Variants in NEDD9 observed in about 807,000 individuals in gnomAD.
NEDD9 encodes enhancer of filamentation 1.
Under a neutral mutation model 76.6 loss-of-function variants are expected in NEDD9, and 26 were observed. That is an observed-to-expected ratio of 0.34 (90% CI 0.25 to 0.47). The LOEUF (loss-of-function observed/expected upper bound fraction) is 0.47. Among genes scored for constraint, NEDD9 ranks in the 20% least tolerant of loss-of-function variants. The probability of loss-of-function intolerance (pLI) is 1.00; values close to 1 mark genes in which losing one functional copy is unlikely to be tolerated. For missense variants in NEDD9, 937 were observed against 1,058.5 expected, an observed-to-expected ratio of 0.89 and a Z score of 1.59; for synonymous variants, 392 against 414.2, an observed-to-expected ratio of 0.95 and a Z score of 0.65.
At chr6:11,368,402 TC>T (rs1167498225) in intron 1 of NEDD9, among the ~76,000 whole-genome samples, 4 of 152,192 alleles carry the variant, frequency 2.6e-5, no homozygotes, top group Non-Finnish European at 4.4e-5. Flanking sequence ...CCTGAATGAG[TC>T]ACACCGAAGT....
intron 2 of NEDD9, chr6:11,201,072 G>A (rs1758437134): frequency 1.9e-6 from 3 of 1,614,152 alleles, no homozygotes; most frequent in Non-Finnish European, 2.5e-6. Context: ...TTTCTGTCAA[G>A]ACAAGTTCTG....
chr6:11,338,130 T>C (rs1269519475), intron 1 of NEDD9, among the ~76,000 whole-genome samples: 2 of 152,210 alleles, frequency 1.3e-5, no homozygotes, highest in Non-Finnish European at 2.9e-5. Flanking sequence ...GCAGATGTCA[T>C]TGGTTAACCT....
rs115242391 is a variant in NEDD9, at chr6:11,250,082, T to A, written c.13-36355A>T. On this transcript the variant is annotated intron_variant, in intron 3 of 3. Transcript: ENST00000397378. Reference sequence around the variant, plus strand: ...AGGAACAGATGTGCAAATGGCTGGCTGTGGCCAAAGACACAGTCAGACATC... The same window carrying A: ...AGGAACAGATGTGCAAATGGCTGGCAGTGGCCAAAGACACAGTCAGACATC... Among the ~76,000 whole-genome samples, 1,104 of 152,338 alleles carry A rather than the reference T, an allele frequency of 7.2e-3. 2 individuals are homozygous for A. Among genetic ancestry groups the A allele is most frequent in the Non-Finnish European group, 0.012 (843 of 68,038 alleles).
intron 3 of NEDD9, among the ~76,000 whole-genome samples, chr6:11,245,837 A>G (rs1759796037): frequency 6.6e-6 from 1 of 152,218 alleles, no homozygotes; most frequent in Non-Finnish European, 1.5e-5. Context: ...TGGACCTTAA[A>G]AAAAGCCCTC....
intron 1 of NEDD9, among the ~76,000 whole-genome samples, chr6:11,349,017 A>G (rs1762414752): frequency 6.6e-6 from 1 of 152,214 alleles, no homozygotes; most frequent in African/African-American, 2.4e-5. Context: ...ATATTTGCAA[A>G]CTATGCATCT....
At chr6:11,277,907 T>C (rs1001821855) in intron 3 of NEDD9, among the ~76,000 whole-genome samples, 7 of 152,022 alleles carry the variant, frequency 4.6e-5, no homozygotes, top group Non-Finnish European at 7.4e-5. Flanking sequence ...CCCAGATTCA[T>C]TCTCTTTCTT....
intron 3 of NEDD9, 152 bp from the exon 4 acceptor site, chr6:11,192,598 T>TTA: frequency 1.7e-6 from 1 of 576,408 alleles, no homozygotes; most frequent in Non-Finnish European, 3.0e-6. Context: ...TTTATTGCCT[T>TTA]TTTTTTTAAT....
At chr6:11,347,481 A>AAAAC (rs1339345636) in intron 1 of NEDD9, among the ~76,000 whole-genome samples, 1 of 152,166 alleles carries the variant, frequency 6.6e-6, no homozygotes, top group Non-Finnish European at 1.5e-5. Flanking sequence ...AAAACAAAAC[A>AAAAC]AAACAAACAA....
intron 3 of NEDD9, among the ~76,000 whole-genome samples, chr6:11,299,634 C>T (rs1163432286): frequency 2.0e-5 from 3 of 152,174 alleles, no homozygotes; most frequent in African/African-American, 7.2e-5. Flanking sequence ...CAGGTGAGTG[C>T]CCCCCTGGGA....
intron 1 of NEDD9, among the ~76,000 whole-genome samples, chr6:11,373,834 C>T (rs890158918): frequency 1.3e-5 from 2 of 152,116 alleles, no homozygotes; most frequent in East Asian, 1.9e-4. Flanking sequence ...AACAAATGAC[C>T]TTCCATAATG....
upstream of NEDD9, among the ~76,000 whole-genome samples, chr6:11,234,712 ATTTTT>A (rs140513398): frequency 2.9e-5 from 4 of 136,950 alleles, no homozygotes; most frequent in Admixed American, 7.3e-5. Flanking sequence ...AACATTTTTA[ATTTTT>A]TTTTTTTTTT....
chr6:11,379,562 G>T (rs1763026532), intron 1 of NEDD9, among the ~76,000 whole-genome samples: 2 of 152,130 alleles, frequency 1.3e-5, no homozygotes, highest in Non-Finnish European at 2.9e-5. Context: ...CTGGGTGACA[G>T]AGTGAGACTT....
intron 1 of NEDD9, among the ~76,000 whole-genome samples, chr6:11,339,401 C>T (rs1762229442): frequency 6.6e-6 from 1 of 152,186 alleles, no homozygotes; most frequent in African/African-American, 2.4e-5. Flanking sequence ...TGAGGCTGAG[C>T]CTTTCCACTG....
chr6:11,195,853 G>A (rs10947005), intron 2 of NEDD9, among the ~76,000 whole-genome samples: 57,243 of 152,034 alleles, frequency 0.38, 11,165 homozygotes, highest in South Asian at 0.48. Context: ...AATTAGCCGG[G>A]TGTGGTGACA....
At chr6:11,284,673 C>G (rs1003335035) in intron 3 of NEDD9, among the ~76,000 whole-genome samples, 3 of 151,460 alleles carry the variant, frequency 2.0e-5, no homozygotes, top group Non-Finnish European at 2.9e-5. Context: ...AGGTGTTAAC[C>G]ACTAGTTTGC....
At chr6:11,215,259 G>C (rs1415526377) in intron 1 of NEDD9, among the ~76,000 whole-genome samples, 1 of 152,204 alleles carries the variant, frequency 6.6e-6, no homozygotes, top group Non-Finnish European at 1.5e-5. Context: ...TCAAGAATAA[G>C]GTTGAAGTCC....
chr6:11,237,242 C>T (rs879032915), upstream of NEDD9, among the ~76,000 whole-genome samples: 1 of 152,152 alleles, frequency 6.6e-6, no homozygotes, highest in African/African-American at 2.4e-5. The surrounding 1 kb of genome is among the most constrained non-coding windows in gnomAD (Gnocchi z 4.9). Context: ...TCCCCAGCTC[C>T]GATGTGTGTT....
At chr6:11,342,686 A>G (rs1762296301) in intron 1 of NEDD9, among the ~76,000 whole-genome samples, 1 of 152,240 alleles carries the variant, frequency 6.6e-6, no homozygotes, top group Non-Finnish European at 1.5e-5. Context: ...GTTCTTCAGT[A>G]TAAAGAGAAT....
chr6:11,281,560 C>T (rs1330688582), intron 3 of NEDD9, among the ~76,000 whole-genome samples: 2 of 152,066 alleles, frequency 1.3e-5, no homozygotes, highest in African/African-American at 2.4e-5. Flanking sequence ...CCCTGTGTTG[C>T]CCAGGCTGGT....
Sources: gnomAD v4.1 joint callset for allele counts (sites outside exome capture counted in the v4.1 genomes callset) on GRCh38, gnomAD v4.1.1 for gene constraint, Gnocchi (gnomAD v3.1) non-coding constraint, MANE v1.5 for transcripts, NCBI Gene and HGNC (gene_info 2026-07-23, HGNC 2026-07-21) for gene names.